Variants in KIAA2012 observed in about 807,000 individuals in gnomAD.
KIAA2012 encodes KIAA2012.
Under a neutral mutation model 150.6 loss-of-function variants are expected in KIAA2012, and 125 were observed. The observed-to-expected ratio is 0.83, with a 90% CI of 0.72 to 0.96. The LOEUF (loss-of-function observed/expected upper bound fraction) is 0.96, where lower values mean the gene tolerates loss of function less well. KIAA2012 is among the 40% of genes least tolerant of loss of function. The probability of loss-of-function intolerance (pLI) is 0.00; values close to 1 mark genes in which losing one functional copy is unlikely to be tolerated. For missense variants in KIAA2012, 1,219 were observed against 1,354.9 expected (o/e 0.90, Z 1.57); for synonymous variants, 462 against 504.7 (o/e 0.92, Z 1.13).
chr2:202,172,058 G>A (rs190951093), intron 15 of KIAA2012, among the ~76,000 whole-genome samples: 2 of 152,212 alleles, frequency 1.3e-5, no homozygotes, highest in South Asian at 4.1e-4. Context: ...GGCTGTTTGC[G>A]GGCTTACGCC....
intron 13 of KIAA2012, among the ~76,000 whole-genome samples, chr2:202,143,322 G>A (rs1248469226): frequency 6.6e-6 from 1 of 151,828 alleles, no homozygotes; most frequent in Non-Finnish European, 1.5e-5. Context: ...CTGAGCTCAG[G>A]CAATCTACCC....
In KIAA2012 at chr2:202,135,643, T is replaced by A. The variant is rs1691042866; in HGVS notation, c.1832-2789T>A. ...TTACATTTCTTGAACTCTGGCTGAC[T>A]GATTCATTCTCCTGGTGTTGCAAGA... On this transcript the variant is annotated intron_variant, in intron 12 of 23. Coordinates refer to ENST00000498697, the MANE Select transcript of KIAA2012 (RefSeq NM_001277372.4). 1.3e-5 allele frequency: 2 copies of A among 152,392 alleles called. 1 individual carries two copies. Among genetic ancestry groups the A allele is most frequent in the South Asian group, 4.1e-4 (2 of 4,828 alleles). The allele number at this position is 152,392 out of a possible 1,614,324, so 9.4% of individuals were successfully genotyped here.
chr2:202,184,392 A>G (rs1692183277), intron 15 of KIAA2012, among the ~76,000 whole-genome samples: 1 of 152,064 alleles, frequency 6.6e-6, no homozygotes, highest in African/African-American at 2.4e-5. Flanking sequence ...TCAAAAAAAA[A>G]AAAAAAAAGT....
At chr2:202,127,133 T>A (rs1168615807) in intron 12 of KIAA2012, among the ~76,000 whole-genome samples, 3 of 151,952 alleles carry the variant, frequency 2.0e-5, no homozygotes, top group Non-Finnish European at 4.4e-5. Context: ...AGTAACAGTT[T>A]GGGAGAATCA....
chr2:202,123,023 T>C (rs530154202), intron 11 of KIAA2012, among the ~76,000 whole-genome samples: 10 of 152,294 alleles, frequency 6.6e-5, no homozygotes, highest in South Asian at 2.1e-4. Context: ...CCCCATGCCA[T>C]GTGCCTCTCA....
At chr2:202,095,392 T>C (rs1553551517) in intron 4 of KIAA2012, among the ~76,000 whole-genome samples, 1 of 152,216 alleles carries the variant, frequency 6.6e-6, no homozygotes. Context: ...AAGTCACTTA[T>C]GCTCCCTGCA....
intron 15 of KIAA2012, among the ~76,000 whole-genome samples, chr2:202,173,118 C>T (rs1431432735): frequency 1.3e-5 from 2 of 152,182 alleles, no homozygotes; most frequent in Non-Finnish European, 2.9e-5. Context: ...CTGGGGAAGT[C>T]CCCCGGGAAG....
chr2:202,181,794 C>G (rs2105738806), intron 15 of KIAA2012, among the ~76,000 whole-genome samples: 1 of 152,162 alleles, frequency 6.6e-6, no homozygotes, highest in South Asian at 2.1e-4. Context: ...TTTGTTTTTA[C>G]CGTGTGCTGG....
intron 2 of KIAA2012, among the ~76,000 whole-genome samples, chr2:202,088,675 C>A (rs527306445): frequency 1.3e-5 from 2 of 152,064 alleles, no homozygotes; most frequent in Admixed American, 6.5e-5. Context: ...TCATTTACAC[C>A]AAAAACGAGG....
intron 14 of KIAA2012, among the ~76,000 whole-genome samples, chr2:202,162,182 A>G (rs548031402): frequency 2.4e-4 from 37 of 152,210 alleles, no homozygotes; most frequent in African/African-American, 8.4e-4. Flanking sequence ...TATAATGCAT[A>G]TATATAAGCA....
Position 202,190,220 on chromosome 2 carries a change from A to C in KIAA2012, c.2538A>C (p.Thr846=), listed in dbSNP as rs1474064494. 6.6e-7 allele frequency: 1 copy of C among 1,522,072 alleles called. No individual in the cohort carries two copies. Among genetic ancestry groups the C allele is most frequent in the African/African-American group, 1.4e-5 (1 of 70,764 alleles). 94.3% of individuals were successfully genotyped at this position (1,522,072 alleles called of 1,614,324 possible). Residue 846 remains threonine (T), a synonymous_variant, in exon 19 of 24, where the codon ACA becomes ACC. Transcript: ENST00000498697. ...CTAAAAAAAAATTAGAAAAAAAAAC[A>C]AGACCCCAAAGGAAAAGGACACAGA... ...SKAKKKLEKK[T]RPQRKRTQKE...
chr2:202,164,038 G>A (rs1287382372), intron 14 of KIAA2012, among the ~76,000 whole-genome samples: 2 of 152,058 alleles, frequency 1.3e-5, no homozygotes, highest in Non-Finnish European at 2.9e-5. Context: ...CTCAAAGCAG[G>A]ATGCAGCTTT....
Position 202,167,184 on chromosome 2 carries a change from A to C in KIAA2012, c.2119+1828A>C, listed in dbSNP as rs11883842. Among the ~76,000 whole-genome samples the C allele has an allele frequency of 7.5e-3, 1,141 of 152,216 alleles. 13 individuals carry two copies. Among genetic ancestry groups the C allele is most frequent in the African/African-American group, 0.026 (1,066 of 41,522 alleles). ...GTGAGACTCCGTCTCAAAAAAAAAA[A>C]AAACTTTCCACTCCTCTACCCCTGT... On this transcript the variant is annotated intron_variant, in intron 15 of 23. Coordinates refer to ENST00000498697, the MANE Select transcript of KIAA2012 (RefSeq NM_001277372.4).
chr2:202,196,925 G>A lies in KIAA2012; in HGVS notation c.3313G>A (p.Ala1105Thr). 2 of 1,550,696 alleles carry A rather than the reference G, an allele frequency of 1.3e-6. No individual in the cohort carries two copies. Among genetic ancestry groups the A allele is most frequent in the Non-Finnish European group, 1.7e-6 (2 of 1,147,008 alleles). ...QRRKQEAEEK[A>T]RLEAEERRQK... ...GCGGAAACAGGAAGCAGAAGAGAAG[G>A]CTCGGCTGGAGGCAGAGGAGAGGAG... The change falls in exon 22 of 24, where the codon GCT (alanine) becomes ACT (threonine). Residue 1105 changes from alanine to threonine, a missense_variant. Ala to Thr is a moderately conservative substitution (Grantham distance 58). Transcript: ENST00000498697.
intron 1 of KIAA2012, among the ~76,000 whole-genome samples, chr2:202,074,371 T>G (rs564502005): frequency 2.0e-5 from 3 of 152,312 alleles, no homozygotes; most frequent in African/African-American, 7.2e-5. Context: ...AGGACCTGTA[T>G]GGCCAATGGC....
At chr2:202,179,515 G>A in intron 15 of KIAA2012, 1 of 700,422 alleles carries the variant, frequency 1.4e-6, no homozygotes. Flanking sequence ...ACATAGGTTT[G>A]GTGTACAGTG....
At chr2:202,110,945 A>G (rs977165123) in intron 10 of KIAA2012, among the ~76,000 whole-genome samples, 1 of 152,172 alleles carries the variant, frequency 6.6e-6, no homozygotes, top group African/African-American at 2.4e-5. Flanking sequence ...TCCCCGCAAC[A>G]TTCTCTCTAT....
chr2:202,090,232 G>A (rs1689681699), intron 2 of KIAA2012, among the ~76,000 whole-genome samples: 1 of 150,164 alleles, frequency 6.7e-6, no homozygotes. Context: ...TCCCTATGAT[G>A]TCTTGCACAG....
chr2:202,083,711 G>A (rs1182434581), intron 2 of KIAA2012, among the ~76,000 whole-genome samples: 1 of 137,138 alleles, frequency 7.3e-6, no homozygotes, highest in Non-Finnish European at 1.5e-5. Flanking sequence ...CATAGCAGAT[G>A]CTCAACAAAT....
Sources: allele counts gnomAD v4.1 joint callset (sites outside exome capture counted in the v4.1 genomes callset), GRCh38; gene constraint gnomAD v4.1.1; transcripts MANE v1.5; gene names NCBI Gene and HGNC (gene_info 2026-07-23, HGNC 2026-07-21).